CCDC178: variants seen among roughly 807,000 people sequenced by gnomAD.
CCDC178 encodes the protein coiled-coil domain containing 178, also known as coiled-coil domain-containing protein 178.
CCDC178 carries 126 observed loss-of-function variants against 117.4 expected under a neutral mutation model. The ratio of observed to expected loss-of-function variants is 1.07; its 90% CI spans 0.93 to 1.24. CCDC178 has a LOEUF of 1.24. Among genes scored for constraint, CCDC178 ranks in the 50% most tolerant of loss-of-function variants. CCDC178 has a pLI of 0.00. For synonymous variants in CCDC178, 283 were observed against 313.4 expected (o/e 0.90, Z 1.02); for missense variants, 1,030 against 986.9 (o/e 1.04, Z -0.59).
At chr18:32,958,258 A>G (rs1210087720) in intron 22 of CCDC178, 1 of 486,884 alleles carries the variant, frequency 2.1e-6, no homozygotes, top group Non-Finnish European at 3.8e-6. Context: ...TTATACTAAA[A>G]TTATTGAGTT....
intron 21 of CCDC178, among the ~76,000 whole-genome samples, chr18:32,988,417 C>T (rs564768792): frequency 5.9e-5 from 9 of 152,166 alleles, no homozygotes; most frequent in East Asian, 1.9e-4. Flanking sequence ...GCCTGGGCTA[C>T]GGAGTAAGAC....
intron 20 of CCDC178, among the ~76,000 whole-genome samples, chr18:33,117,575 T>TG (rs1051128689): frequency 6.6e-6 from 1 of 150,610 alleles, no homozygotes; most frequent in Non-Finnish European, 1.5e-5. Context: ...TGTCGTGGGG[T>TG]GGGGGGAGCG....
intron 20 of CCDC178, among the ~76,000 whole-genome samples, chr18:33,137,400 T>C (rs1011866373): frequency 1.3e-5 from 2 of 152,210 alleles, no homozygotes; most frequent in Non-Finnish European, 2.9e-5. Flanking sequence ...AATAGGTTAA[T>C]ATTAATAGTA....
At chr18:33,212,170 A>G (rs1006352366) in intron 19 of CCDC178, 115 bp from the exon 20 acceptor site, 126 of 710,238 alleles carry the variant, frequency 1.8e-4, no homozygotes, top group Admixed American at 2.3e-4. Flanking sequence ...CCTTGAACTG[A>G]CAGGCCTTGG....
intron 18 of CCDC178, among the ~76,000 whole-genome samples, chr18:33,220,799 G>A (rs956146119): frequency 1.3e-5 from 2 of 152,030 alleles, no homozygotes; most frequent in Non-Finnish European, 2.9e-5. Context: ...TAATACCCAT[G>A]CTGGGAAAAT....
At chr18:33,141,801 C>T (rs1260650929) in intron 20 of CCDC178, among the ~76,000 whole-genome samples, 1 of 152,148 alleles carries the variant, frequency 6.6e-6, no homozygotes, top group Non-Finnish European at 1.5e-5. Flanking sequence ...CATGCGACAA[C>T]ATTCTGTTCA....
chr18:32,951,299 C>G (rs1450084724), intron 22 of CCDC178, among the ~76,000 whole-genome samples: 1 of 152,000 alleles, frequency 6.6e-6, no homozygotes, highest in Non-Finnish European at 1.5e-5. Context: ...CCTTCTCATG[C>G]TGCTGTGAAG....
chr18:32,937,926 G>T lies in CCDC178; in HGVS notation c.*85C>A. 2 of 1,051,916 alleles carry T rather than the reference G, an allele frequency of 1.9e-6. No homozygotes were observed. Among genetic ancestry groups the T allele is most frequent in the East Asian group, 2.4e-5 (1 of 41,182 alleles). The allele number at this position is 1,051,916 out of a possible 1,614,324, so 65.2% of individuals were successfully genotyped here. The stretch of plus-strand genomic sequence containing the variant: ...TCATGGAAGTGTGAAATGGCAAACA[G>T]GTGAATGTCCAATTACACTGTTATC... On this transcript the variant is annotated 3_prime_UTR_variant, in exon 23 of 23. Coordinates refer to ENST00000383096, the MANE Select transcript of CCDC178 (RefSeq NM_001105528.4).
intron 20 of CCDC178, among the ~76,000 whole-genome samples, chr18:33,098,536 C>T (rs2057577726): frequency 6.6e-6 from 1 of 152,020 alleles, no homozygotes; most frequent in Admixed American, 6.6e-5. Flanking sequence ...CTGCAGACAG[C>T]TCCTTGCTTT....
intron 22 of CCDC178, chr18:32,953,977 G>T (rs913228875): frequency 2.0e-5 from 3 of 151,676 alleles, no homozygotes; most frequent in Non-Finnish European, 4.4e-5. Context: ...TTTTTCCCTA[G>T]CCTCACAGGT....
chr18:33,092,811 T>C lies in CCDC178; in HGVS notation c.2338A>G (p.Ile780Val). 1.3e-6 allele frequency: 2 copies of C among 1,554,992 alleles called. No homozygotes were observed. The highest frequency in any genetic ancestry group is 1.8e-6 in the Non-Finnish European group (2 of 1,134,502). The change falls in exon 21 of 23, where the codon ATA becomes GTA. Residue 780 changes from isoleucine (I) to valine (V), a missense_variant. Physicochemically the swap from Ile to Val is conservative, Grantham distance 29. Coordinates refer to ENST00000383096, the MANE Select transcript of CCDC178 (RefSeq NM_001105528.4). ...TCAAGTGATAGCTGTTTATCATATA[T>C]ATTGAAATAATTGTCCTTTTCTTTT... ...FLKEKDNYFNIYDKQLSLDTS... is the reference protein window; with the variant it reads ...FLKEKDNYFNVYDKQLSLDTS...
chr18:33,275,418 ATT>A (rs1452266001), intron 12 of CCDC178, among the ~76,000 whole-genome samples: 1 of 150,428 alleles, frequency 6.6e-6, no homozygotes, highest in African/African-American at 2.5e-5. Context: ...TCATTTTAAT[ATT>A]GTTTGCAGTA....
At chr18:33,323,042 A>T (rs1408368040) in intron 11 of CCDC178, 6 of 151,592 alleles carry the variant, frequency 4.0e-5, no homozygotes, top group Admixed American at 3.9e-4. Flanking sequence ...TAATATGCCA[A>T]AATAATCTAT....
chr18:33,133,897 A>C (rs1357372810), intron 20 of CCDC178, among the ~76,000 whole-genome samples: 1 of 151,996 alleles, frequency 6.6e-6, no homozygotes, highest in African/African-American at 2.4e-5. Flanking sequence ...ATATGATGTC[A>C]CTAGATTCAA....
Position 33,327,349 on chromosome 18 carries a change from A to G in CCDC178, c.880-3716T>C, listed in dbSNP as rs189210686. Reference sequence around the variant, plus strand: ...TTGCATTTTGTTTATCTCAGTAAACAAACATTGGGCTGTTTCTTTTGGTTA... The same window carrying G: ...TTGCATTTTGTTTATCTCAGTAAACGAACATTGGGCTGTTTCTTTTGGTTA... On this transcript the variant is annotated intron_variant, in intron 10 of 22. Transcript: ENST00000383096. Among the ~76,000 whole-genome samples the G allele has an allele frequency of 1.6e-3, 250 of 152,300 alleles. 3 individuals are homozygous for G. Among genetic ancestry groups the G allele is most frequent in the African/African-American group, 5.9e-3 (244 of 41,564 alleles).
At chr18:32,951,612 G>C (rs1193303625) in intron 22 of CCDC178, among the ~76,000 whole-genome samples, 2 of 152,068 alleles carry the variant, frequency 1.3e-5, no homozygotes, top group Non-Finnish European at 2.9e-5. Flanking sequence ...GATTTGGGTG[G>C]GGCACCAAGC....
intron 21 of CCDC178, among the ~76,000 whole-genome samples, chr18:33,034,004 A>C (rs2056395836): frequency 6.6e-6 from 1 of 151,354 alleles, no homozygotes; most frequent in African/African-American, 2.4e-5. Flanking sequence ...ATGCCAACCC[A>C]CACCTAAAAC....
At chr18:33,143,137 C>T (rs2058228314) in intron 20 of CCDC178, among the ~76,000 whole-genome samples, 1 of 152,026 alleles carries the variant, frequency 6.6e-6, no homozygotes, top group African/African-American at 2.4e-5. Flanking sequence ...AACCCTTTTC[C>T]TCATTAAGAA....
At chr18:33,313,296 G>T (rs1347568894) in intron 11 of CCDC178, among the ~76,000 whole-genome samples, 1 of 152,202 alleles carries the variant, frequency 6.6e-6, no homozygotes, top group Non-Finnish European at 1.5e-5. Context: ...GGTGGAAGCA[G>T]TTCACTGCCA....
Sources: gnomAD v4.1 joint callset for allele counts (sites outside exome capture counted in the v4.1 genomes callset) on GRCh38, gnomAD v4.1.1 for gene constraint, MANE v1.5 for transcripts, NCBI Gene and HGNC (gene_info 2026-07-23, HGNC 2026-07-21) for gene names.